Variants in PLEKHA1 observed in about 807,000 individuals in gnomAD.
PLEKHA1 encodes pleckstrin homology domain-containing family A member 1.
In PLEKHA1, 34 loss-of-function variants were observed where a neutral mutation model predicts 52.0. The ratio of observed to expected loss-of-function variants is 0.65; its 90% CI spans 0.50 to 0.87. PLEKHA1 has a LOEUF of 0.87. PLEKHA1 is among the 40% of genes least tolerant of loss of function. The pLI, the probability that PLEKHA1 is intolerant of heterozygous loss-of-function variation, is 0.00. For missense variants in PLEKHA1, 497 were observed against 504.2 expected, an observed-to-expected ratio of 0.99 and a Z score of 0.14; for synonymous variants, 163 against 170.7, an observed-to-expected ratio of 0.95 and a Z score of 0.35.
chr10:122,410,687 C>T (rs2097095012), intron 5 of PLEKHA1, among the ~76,000 whole-genome samples: 1 of 152,134 alleles, frequency 6.6e-6, no homozygotes, highest in South Asian at 2.1e-4. Flanking sequence ...AAGCAGTGAG[C>T]TTAACAGCAT....
At chr10:122,428,028 C>A (rs1321007282) in intron 11 of PLEKHA1, among the ~76,000 whole-genome samples, 3 of 152,154 alleles carry the variant, frequency 2.0e-5, no homozygotes, top group African/African-American at 4.8e-5. Flanking sequence ...TCTAAGAAGT[C>A]ACTTTCATAG....
rs1309005327 is a variant in PLEKHA1, at chr10:122,417,946, T to C, written c.659T>C (p.Ile220Thr). ...TATTTTCAATTGGATGAAAACACAA[T>C]AGGCTACTTCAAATCTGAACTGGTA... Reference protein sequence around the residue: ...RRYFQLDENTIGYFKSELEKE... With the variant: ...RRYFQLDENTTGYFKSELEKE... The change falls in exon 8 of 12, where the codon ATA (isoleucine) becomes ACA (threonine). Residue 220 changes from isoleucine (I) to threonine (T), a missense_variant. Physicochemically the swap from Ile to Thr is moderately conservative, Grantham distance 89. Transcript: ENST00000368990. 6.2e-7 allele frequency: 1 copy of C among 1,611,676 alleles called. No homozygotes were observed. Among genetic ancestry groups the C allele is most frequent in the Non-Finnish European group, 8.5e-7 (1 of 1,178,148 alleles).
intron 1 of PLEKHA1, among the ~76,000 whole-genome samples, chr10:122,377,291 A>G (rs1433542644): frequency 1.3e-5 from 2 of 152,304 alleles, no homozygotes; most frequent in African/African-American, 2.4e-5. Context: ...ACTGCCTTAA[A>G]GTATTTCCTA....
At chr10:122,412,387 G>A (rs973225142) in intron 5 of PLEKHA1, 1 of 152,238 alleles carries the variant, frequency 6.6e-6, no homozygotes, top group African/African-American at 2.4e-5. Context: ...TATGGTTTTG[G>A]TAATAGTCTC....
chr10:122,440,172 A>C, the PLEKHA1 span: 1 of 152,226 alleles, frequency 6.6e-6, no homozygotes, highest in African/African-American at 2.4e-5. Flanking sequence ...AGGCCATCCA[A>C]ATTAAATTTA....
intron 2 of PLEKHA1, among the ~76,000 whole-genome samples, chr10:122,395,342 A>G (rs1014127159): frequency 7.2e-5 from 11 of 152,124 alleles, no homozygotes; most frequent in African/African-American, 2.7e-4. Flanking sequence ...CTTCTTTCCA[A>G]CTTAGGAAAT....
Position 122,429,934 on chromosome 10 carries a change from T to G in PLEKHA1, c.1211T>G (p.Val404Gly). 5.6e-6 allele frequency: 9 copies of G among 1,610,856 alleles called. No individual in the cohort carries two copies. The highest frequency in any genetic ancestry group is 7.6e-6 in the Non-Finnish European group (9 of 1,178,052). ...LDDASLPVSD[V>G] ...GATGCGAGCCTTCCGGTCAGTGACG[T>G]GTGAGGCAGAAGCGCACGGAGCCTG... is the stretch of plus-strand genomic sequence containing the variant. The change falls in exon 12 of 12, where the codon GTG becomes GGG. Residue 404 changes from valine (V) to glycine (G), a missense_variant. By Grantham distance (109) the Val-to-Gly change is moderately radical. Transcript: ENST00000368990.
chr10:122,416,929 G>C (rs922703021), intron 7 of PLEKHA1: 1 of 154,418 alleles, frequency 6.5e-6, no homozygotes, highest in Non-Finnish European at 1.5e-5. Context: ...ATGATGGTGA[G>C]GGCAGGGGTT....
chr10:122,375,141 G>C (rs2096507288), intron 1 of PLEKHA1, among the ~76,000 whole-genome samples: 1 of 151,822 alleles, frequency 6.6e-6, no homozygotes, highest in African/African-American at 2.4e-5. Context: ...GCGGGGGAGG[G>C]CGGGAGGCCC....
At chr10:122,402,867 A>G (rs1055739498) in intron 4 of PLEKHA1, among the ~76,000 whole-genome samples, 1 of 152,204 alleles carries the variant, frequency 6.6e-6, no homozygotes, top group African/African-American at 2.4e-5. Context: ...AGTCTGCACA[A>G]TCAGTGCAAC....
intron 6 of PLEKHA1, among the ~76,000 whole-genome samples, chr10:122,414,868 A>G (rs2133128578): frequency 6.6e-6 from 1 of 151,116 alleles, no homozygotes; most frequent in Non-Finnish European, 1.5e-5. Context: ...GCCACTCTGA[A>G]AAACAGTTTA....
At chr10:122,436,110 CAG>C (rs1426243108), downstream of PLEKHA1, 1 of 152,110 alleles carries the variant, frequency 6.6e-6, no homozygotes. Flanking sequence ...GCCACTTGTC[CAG>C]AGTCAGATTA....
chr10:122,399,757 T>C (rs2096901747), intron 3 of PLEKHA1, among the ~76,000 whole-genome samples: 1 of 151,964 alleles, frequency 6.6e-6, no homozygotes, highest in South Asian at 2.1e-4. Context: ...TAATTTTTTT[T>C]TGTATTTTTA....
chr10:122,429,604 A>G lies in PLEKHA1; in HGVS notation c.901-20A>G, dbSNP rs2097397135. On this transcript the variant is annotated intron_variant, in intron 11 of 11. Coordinates refer to ENST00000368990, the MANE Select transcript of PLEKHA1 (RefSeq NM_001001974.4). ...GGTCATGAGTGACTGACCGTGTCTGACTGCCACTCCTTTTTGCAGGAGCAT... is the reference window on the plus strand; with the variant it reads ...GGTCATGAGTGACTGACCGTGTCTGGCTGCCACTCCTTTTTGCAGGAGCAT... 6 of 1,608,724 alleles carry G rather than the reference A, an allele frequency of 3.7e-6. No individual in the cohort carries two copies. In the Admixed American group the frequency reaches 1.0e-4, roughly 27 times the overall value.
chr10:122,412,877 A>G (rs1162850434), intron 5 of PLEKHA1, 43 bp from the exon 6 acceptor site: 2 of 1,607,322 alleles, frequency 1.2e-6, no homozygotes, highest in African/African-American at 1.3e-5. Context: ...GTTCACATGT[A>G]TAATGCTGGT....
intron 11 of PLEKHA1, chr10:122,428,444 T>C: frequency 7.1e-7 from 1 of 1,418,312 alleles, no homozygotes; most frequent in East Asian, 2.6e-5. Context: ...AACTGCCTTT[T>C]GCAGTTATCA....
intron 1 of PLEKHA1, among the ~76,000 whole-genome samples, chr10:122,383,326 C>CT (rs34354520): frequency 0.28 from 31,125 of 111,146 alleles, 3,966 homozygotes; most frequent in Non-Finnish European, 0.36. Context: ...TTTTTTTTTT[C>CT]TTTTTTTTTT....
chr10:122,383,737 T>C (rs544356646), intron 1 of PLEKHA1, among the ~76,000 whole-genome samples: 68 of 152,330 alleles, frequency 4.5e-4, no homozygotes, highest in African/African-American at 1.6e-3. Context: ...GTTTTCTTAA[T>C]ATCATCAGAC....
intron 8 of PLEKHA1, chr10:122,423,665 C>T (rs41317040): frequency 0.089 from 13,634 of 152,464 alleles, 745 homozygotes; most frequent in Middle Eastern, 0.17. Context: ...GCAGTTTCAG[C>T]ACATGAATAG....
Sources: allele counts gnomAD v4.1 joint callset (sites outside exome capture counted in the v4.1 genomes callset), GRCh38; gene constraint gnomAD v4.1.1; transcripts MANE v1.5; gene names NCBI Gene and HGNC (gene_info 2026-07-23, HGNC 2026-07-21).